The following RYR3 variants were observed in gnomAD, a reference collection of about 807,000 sequenced individuals.
RYR3 encodes brain ryanodine receptor-calcium release channel.
Under a neutral mutation model 584.3 loss-of-function variants are expected in RYR3, and 207 were observed. That is an observed-to-expected ratio of 0.35 (90% CI 0.32 to 0.40). RYR3 has a LOEUF of 0.40. Among genes scored for constraint, RYR3 ranks in the 10% least tolerant of loss-of-function variants. The pLI is 1.00. For missense variants in RYR3, 5,616 were observed against 6,089.2 expected (o/e 0.92, Z 2.59); for synonymous variants, 2,416 against 2,248.5 (o/e 1.07, Z -2.11).
chr15:33,720,220 G>A (rs912458449), intron 43 of RYR3, among the ~76,000 whole-genome samples: 1 of 152,176 alleles, frequency 6.6e-6, no homozygotes, highest in African/African-American at 2.4e-5. Flanking sequence ...GATAAAAGAG[G>A]ATGTCAGCAA....
intron 1 of RYR3, among the ~76,000 whole-genome samples, chr15:33,401,765 AT>A (rs767859445): frequency 6.6e-6 from 1 of 152,190 alleles, no homozygotes; most frequent in Non-Finnish European, 1.5e-5. Flanking sequence ...CAAATCCTAT[AT>A]TTGACAGCAT....
intron 15 of RYR3, among the ~76,000 whole-genome samples, chr15:33,584,942 C>T (rs1048704763): frequency 3.9e-5 from 6 of 152,080 alleles, no homozygotes; most frequent in Admixed American, 3.3e-4. Flanking sequence ...TCCCCACTCA[C>T]CCTCTCTCCC....
At chr15:33,686,677 A>G (rs2065032810) in intron 38 of RYR3, among the ~76,000 whole-genome samples, 2 of 152,248 alleles carry the variant, frequency 1.3e-5, no homozygotes, top group South Asian at 2.1e-4. Flanking sequence ...AACATCCTCA[A>G]TAAAATACTG....
intron 69 of RYR3, among the ~76,000 whole-genome samples, chr15:33,805,530 T>G (rs1442631313): frequency 1.3e-5 from 2 of 150,078 alleles, no homozygotes; most frequent in African/African-American, 2.5e-5. Context: ...CAGGCTGGAG[T>G]ACAGTGGTGC....
chr15:33,811,263 T>C (rs1230617617), intron 72 of RYR3, among the ~76,000 whole-genome samples: 1 of 152,168 alleles, frequency 6.6e-6, no homozygotes, highest in Non-Finnish European at 1.5e-5. Flanking sequence ...CCCAGCACTT[T>C]GGGAGGCCGA....
At chr15:33,462,731 A>C (rs989396425) in intron 1 of RYR3, among the ~76,000 whole-genome samples, 1 of 152,196 alleles carries the variant, frequency 6.6e-6, no homozygotes, top group African/African-American at 2.4e-5. Context: ...TCTCCCTGCT[A>C]GTGCCATGGT....
chr15:33,594,752 C>A (rs1279951552), intron 16 of RYR3, among the ~76,000 whole-genome samples: 6 of 152,056 alleles, frequency 3.9e-5, no homozygotes, highest in African/African-American at 1.4e-4. Context: ...AACAAGACAG[C>A]TTTTTGTGGA....
chr15:33,595,242 A>G (rs2059314175), intron 16 of RYR3, among the ~76,000 whole-genome samples: 1 of 152,216 alleles, frequency 6.6e-6, no homozygotes, highest in East Asian at 1.9e-4. Context: ...GAGAGAGAAG[A>G]CTTAATTTTC....
chr15:33,647,451 TACA>T lies in RYR3; in HGVS notation c.3976_3978del (p.Thr1326del), dbSNP rs763363972. The stretch of plus-strand genomic sequence containing the variant: ...AACAGATGCAAGAAATACTCTCTCA[TACA>T]ACAACAGTAAGTAAATGTGCTCAAT... On this transcript the variant is annotated inframe_deletion, in exon 30 of 104. Transcript: ENST00000634891. 8 of 1,605,606 alleles carry T rather than the reference TACA, an allele frequency of 5.0e-6. No individual in the cohort carries two copies. Among genetic ancestry groups the T allele is most frequent in the Admixed American group, 1.7e-5 (1 of 59,926 alleles).
intron 19 of RYR3, among the ~76,000 whole-genome samples, chr15:33,623,421 AG>A (rs2060826001): frequency 7.1e-6 from 1 of 140,984 alleles, no homozygotes. Flanking sequence ...GAAGAGTTGA[AG>A]TTATCACACT....
At chr15:33,776,556 C>G (rs987342045) in intron 64 of RYR3, among the ~76,000 whole-genome samples, 2 of 152,284 alleles carry the variant, frequency 1.3e-5, no homozygotes, top group African/African-American at 4.8e-5. Flanking sequence ...CTCCCTTTGA[C>G]CAATTATTTC....
At chr15:33,499,208 C>T (rs1311269366) in intron 2 of RYR3, among the ~76,000 whole-genome samples, 1 of 150,556 alleles carries the variant, frequency 6.6e-6, no homozygotes, top group Non-Finnish European at 1.5e-5. Context: ...CTCTCCCTGC[C>T]TCTCCTCCTC....
chr15:33,857,986 G>T, intron 99 of RYR3, 72 bp downstream of exon 99: 1 of 1,590,082 alleles, frequency 6.3e-7, no homozygotes, highest in East Asian at 2.2e-5. Context: ...TCACTGGGAA[G>T]AAGGGCTGTG....
chr15:33,314,241 G>A (rs1967765136), intron 1 of RYR3, among the ~76,000 whole-genome samples: 2 of 152,110 alleles, frequency 1.3e-5, no homozygotes, highest in South Asian at 4.2e-4. Flanking sequence ...AATCTTTAAG[G>A]CTAAAATTTT....
At chr15:33,623,763 G>GTT (rs35485665) in intron 19 of RYR3, 44 bp from the exon 20 acceptor site, 1,771 of 1,231,262 alleles carry the variant, frequency 1.4e-3, no homozygotes, top group East Asian at 2.1e-3. Flanking sequence ...GGGCTGCATT[G>GTT]TTTTTTTTTT....
intron 12 of RYR3, among the ~76,000 whole-genome samples, chr15:33,574,904 G>A (rs2058216298): frequency 6.6e-6 from 1 of 152,068 alleles, no homozygotes; most frequent in African/African-American, 2.4e-5. Flanking sequence ...GCAAAGACAT[G>A]CATAAGCTTG....
intron 38 of RYR3, among the ~76,000 whole-genome samples, chr15:33,695,296 C>T (rs914711585): frequency 6.6e-6 from 1 of 152,162 alleles, no homozygotes; most frequent in African/African-American, 2.4e-5. Flanking sequence ...CCAACAGGTC[C>T]CCTTCCTCCT....
chr15:33,471,676 G>A (rs1245782829), intron 1 of RYR3, among the ~76,000 whole-genome samples: 1 of 150,644 alleles, frequency 6.6e-6, no homozygotes, highest in Non-Finnish European at 1.5e-5. Flanking sequence ...TTAGTTTTTT[G>A]GGGGGTTTTA....
At chr15:33,502,814 C>A (rs988001254) in intron 2 of RYR3, among the ~76,000 whole-genome samples, 1 of 152,190 alleles carries the variant, frequency 6.6e-6, no homozygotes, top group Non-Finnish European at 1.5e-5. Context: ...GCGACCTAAA[C>A]TCACTGTGCC....
Sources: allele counts gnomAD v4.1 joint callset (sites outside exome capture counted in the v4.1 genomes callset), GRCh38; gene constraint gnomAD v4.1.1; transcripts MANE v1.5; gene names NCBI Gene and HGNC (gene_info 2026-07-23, HGNC 2026-07-21).